GARNL3: variants seen among roughly 807,000 people sequenced by gnomAD.
The protein encoded by GARNL3 is GTPase-activating Rap/Ran-GAP domain-like protein 3.
In GARNL3, 63 loss-of-function variants were observed where a neutral mutation model predicts 125.0. The observed-to-expected ratio is 0.50, with a 90% CI of 0.41 to 0.62. GARNL3 has a LOEUF of 0.62. Ranked by LOEUF, GARNL3 falls within the 20% of genes least tolerant of loss-of-function variation. The pLI is 0.00. For synonymous variants in GARNL3, 439 were observed against 457.5 expected (o/e 0.96, Z 0.52); for missense variants, 994 against 1,244.0 (o/e 0.80, Z 3.02).
At chr9:127,382,156 T>C (rs1032799285) in intron 22 of GARNL3, among the ~76,000 whole-genome samples, 34 of 151,924 alleles carry the variant, frequency 2.2e-4, no homozygotes, top group Non-Finnish European at 2.4e-4. Flanking sequence ...AAAAACTAGC[T>C]GGGCATGGTG....
chr9:127,229,209 C>T (rs904695273), intron 1 of GARNL3, among the ~76,000 whole-genome samples: 4 of 152,160 alleles, frequency 2.6e-5, no homozygotes, highest in African/African-American at 9.7e-5. Flanking sequence ...TTTGTTGCTT[C>T]GAAAAACTAC....
intron 22 of GARNL3, among the ~76,000 whole-genome samples, chr9:127,377,684 G>T (rs1012286454): frequency 6.6e-6 from 1 of 151,854 alleles, no homozygotes; most frequent in African/African-American, 2.4e-5. Flanking sequence ...CTACTTGGGA[G>T]GCTGAGGCAG....
At chr9:127,328,493 A>G (rs980985540) in intron 7 of GARNL3, among the ~76,000 whole-genome samples, 1 of 152,204 alleles carries the variant, frequency 6.6e-6, no homozygotes, top group African/African-American at 2.4e-5. Flanking sequence ...AAATGATGTC[A>G]GTGTCCTGAA....
chr9:127,330,168 A>G (rs886217839), intron 7 of GARNL3, among the ~76,000 whole-genome samples: 3 of 152,244 alleles, frequency 2.0e-5, no homozygotes, highest in Non-Finnish European at 4.4e-5. Context: ...TCTGATGCCT[A>G]GTCAAGTTTG....
At chr9:127,231,540 G>A (rs2063020052) in intron 1 of GARNL3, among the ~76,000 whole-genome samples, 1 of 152,024 alleles carries the variant, frequency 6.6e-6, no homozygotes, top group Admixed American at 6.6e-5. Context: ...ACATTAACAG[G>A]GTTATATATT....
intron 2 of GARNL3, among the ~76,000 whole-genome samples, chr9:127,253,282 A>T (rs1564850992): frequency 6.6e-6 from 1 of 152,190 alleles, no homozygotes; most frequent in Non-Finnish European, 1.5e-5. Flanking sequence ...AAGGAAAAAA[A>T]ACAAGGGGGC....
chr9:127,249,445 G>C (rs1016880527), intron 2 of GARNL3, among the ~76,000 whole-genome samples: 1 of 152,138 alleles, frequency 6.6e-6, no homozygotes, highest in South Asian at 2.1e-4. Flanking sequence ...AATTAGCTGG[G>C]CATGGTGGTG....
chr9:127,382,487 C>A (rs1429384925), intron 22 of GARNL3, among the ~76,000 whole-genome samples: 1 of 151,908 alleles, frequency 6.6e-6, no homozygotes, highest in Non-Finnish European at 1.5e-5. Flanking sequence ...TGGTGTGCAC[C>A]TGTAGCCCCA....
rs760448556 is a variant in GARNL3, at chr9:127,335,259, A to T, written c.799A>T (p.Thr267Ser). The T allele has an allele frequency of 1.1e-5, 18 of 1,613,838 alleles. No homozygotes were observed. The East Asian group carries it at 4.0e-4, about 36-fold the overall frequency. The change falls in exon 10 of 28, where the codon ACT becomes TCT. Residue 267 changes from threonine (T) to serine (S), a missense_variant. Physicochemically the swap from Thr to Ser is moderately conservative, Grantham distance 58. Coordinates refer to ENST00000373387, the MANE Select transcript of GARNL3 (RefSeq NM_032293.5). ...NDTTGIHSVY[T>S]VYQGHEIMFH... is the part of the protein sequence containing the mutation. ...TACCACAGGGATACATTCAGTTTAT[A>T]CTGTGTACCAAGGGCATGAGATCAT...
At chr9:127,265,848 T>G (rs1358373076) in intron 1 of GARNL3, among the ~76,000 whole-genome samples, 1 of 152,126 alleles carries the variant, frequency 6.6e-6, no homozygotes, top group Non-Finnish European at 1.5e-5. Flanking sequence ...CCTTGCAGAG[T>G]TTAAGTAGTA....
At chr9:127,258,271 A>G (rs1356917121) in intron 2 of GARNL3, among the ~76,000 whole-genome samples, 5 of 152,102 alleles carry the variant, frequency 3.3e-5, no homozygotes, top group Non-Finnish European at 5.9e-5. Context: ...TTGTTTTGGA[A>G]ATCTTTCTGC....
intron 2 of GARNL3, among the ~76,000 whole-genome samples, chr9:127,308,547 C>CA (rs200770673): frequency 0.019 from 2,555 of 135,978 alleles, 26 homozygotes; most frequent in Middle Eastern, 0.03. Flanking sequence ...AAAATGGAAA[C>CA]AAAAAAAAAA....
At chr9:127,314,591 G>T (rs1251368055) in intron 4 of GARNL3, among the ~76,000 whole-genome samples, 1 of 151,230 alleles carries the variant, frequency 6.6e-6, no homozygotes, top group East Asian at 2.0e-4. Context: ...GCAGGAGAGG[G>T]TGGGTTTCCC....
chr9:127,357,305 T>C lies in GARNL3; in HGVS notation c.2022T>C (p.Tyr674=), dbSNP rs370959828. 53 of 1,614,110 alleles carry C rather than the reference T, an allele frequency of 3.3e-5. No individual in the cohort carries two copies. Among genetic ancestry groups the C allele is most frequent in the Non-Finnish European group, 3.3e-5 (39 of 1,180,046 alleles). ...GTGACAATCTCATCTGTGTGGCTTA[T>C]CGACACCAATTTGATGTGGTGAATG... ...EESDNLICVA[Y]RHQFDVVNES... is the part of the protein sequence containing the mutation. Residue 674 remains tyrosine (Y), a synonymous_variant, in exon 21 of 28, where the codon TAT becomes TAC. Coordinates refer to ENST00000373387, the MANE Select transcript of GARNL3 (RefSeq NM_032293.5).
exon 2 of GARNL3, chr9:127,243,129 C>G (rs766451453): frequency 7.3e-7 from 1 of 1,365,428 alleles, no homozygotes; most frequent in Non-Finnish European, 9.8e-7. Flanking sequence ...ACGAAGGTGC[C>G]TTGTGGGAGT....
At chr9:127,328,391 C>T (rs1018907808) in intron 7 of GARNL3, among the ~76,000 whole-genome samples, 1 of 152,094 alleles carries the variant, frequency 6.6e-6, no homozygotes, top group Non-Finnish European at 1.5e-5. Flanking sequence ...CCAATTCCAG[C>T]CTATTCTAGT....
chr9:127,242,072 A>G lies in GARNL3; in HGVS notation c.-28-1007A>G, dbSNP rs1043971191. The stretch of plus-strand genomic sequence containing the variant: ...GATTCCAAAGCCCCAACTTGTGTGG[A>G]GTCGCTTTTCTTGGTCTCCAGCCTC... On this transcript the variant is annotated intron_variant, in intron 1 of 10. Coordinates refer to the GARNL3 transcript ENST00000439286. This position sits in a 1 kb window ranked among gnomAD's most constrained non-coding sequence, Gnocchi z 4.6. Among the ~76,000 whole-genome samples the G allele has an allele frequency of 6.6e-6, 1 of 152,040 alleles. No homozygotes were observed. Among genetic ancestry groups the G allele is most frequent in the Non-Finnish European group, 1.5e-5 (1 of 68,008 alleles).
intron 11 of GARNL3, among the ~76,000 whole-genome samples, chr9:127,337,001 A>T (rs1332254465): frequency 1.3e-5 from 2 of 152,250 alleles, no homozygotes; most frequent in East Asian, 3.8e-4. Flanking sequence ...ACATGTTTGG[A>T]GACAGGCCCA....
Position 127,390,383 on chromosome 9 carries a change from G to A in GARNL3, c.2744-258G>A, listed in dbSNP as rs191583951. ...ATTGGAGAATTACAGGGTTATCAAC[G>A]GTAGGACTGTAAATCATCTGTCCTC... is the stretch of plus-strand genomic sequence containing the variant. On this transcript the variant is annotated intron_variant, in intron 26 of 27. Transcript: ENST00000373387. Among the ~76,000 whole-genome samples the A allele has an allele frequency of 3.0e-4, 45 of 152,298 alleles. 1 individual carries two copies. The East Asian group carries it at 7.3e-3, about 25-fold the overall frequency.
Sources: allele counts gnomAD v4.1 joint callset (sites outside exome capture counted in the v4.1 genomes callset), GRCh38; gene constraint gnomAD v4.1.1; non-coding constraint Gnocchi (gnomAD v3.1); transcripts MANE v1.5; gene names NCBI Gene and HGNC (gene_info 2026-07-23, HGNC 2026-07-21).